Variants in MGARP observed in about 807,000 individuals in gnomAD.
MGARP encodes mitochondria localized glutamic acid rich protein.
MGARP carries 12 observed loss-of-function variants against 11.0 expected under a neutral mutation model. That is an observed-to-expected ratio of 1.09 (90% CI 0.70 to 1.77). MGARP has a LOEUF of 1.77. Among genes scored for constraint, MGARP ranks in the 40% most tolerant of loss-of-function variants. The probability of loss-of-function intolerance (pLI) is 0.00; values close to 1 mark genes in which losing one functional copy is unlikely to be tolerated. For missense variants in MGARP, 283 were observed against 297.8 expected (o/e 0.95, Z 0.36); for synonymous variants, 110 against 115.4 (o/e 0.95, Z 0.30).
At position 139,266,507 on chromosome 4, in the gene MGARP, CT is replaced by C. The variant is rs202133262; in HGVS notation, c.*91del. 0.084 allele frequency: 70,877 copies of C among 841,974 alleles called. 8 individuals carry two copies. Among genetic ancestry groups the C allele is most frequent in the South Asian group, 0.12 (4,238 of 36,610 alleles). 52.2% of individuals were successfully genotyped at this position (841,974 alleles called of 1,614,324 possible). On this transcript the variant is annotated 3_prime_UTR_variant, in exon 4 of 4. Coordinates refer to ENST00000398955, the MANE Select transcript of MGARP (RefSeq NM_032623.4). ...CATTAACGTTTTCTAGAAAATAAGT[CT>C]TTTTTTTTTTAAACTAAGTGTACTA... is the stretch of plus-strand genomic sequence containing the variant.
In MGARP at chr4:139,266,400, A is replaced by C. The variant is rs1744696943; in HGVS notation, c.*199T>G. The stretch of plus-strand genomic sequence containing the variant: ...GCAATGTCATATTCTGATCTCAGAC[A>C]GTAGAAGAGTAGTAAGAAATGTACA... On this transcript the variant is annotated 3_prime_UTR_variant, in exon 4 of 4. Coordinates refer to ENST00000398955, the MANE Select transcript of MGARP (RefSeq NM_032623.4). 1.7e-6 allele frequency: 1 copy of C among 576,168 alleles called. No homozygotes were observed. Among genetic ancestry groups the C allele is most frequent in the East Asian group, 2.9e-5 (1 of 34,746 alleles). 35.7% of individuals were successfully genotyped at this position (576,168 alleles called of 1,614,324 possible).
intron 1 of MGARP, among the ~76,000 whole-genome samples, chr4:139,278,381 G>A (rs1035693924): frequency 3.3e-5 from 5 of 152,154 alleles, no homozygotes; most frequent in African/African-American, 1.2e-4. Context: ...CACGACTGAA[G>A]ACAAATTTGT....
intron 2 of MGARP, among the ~76,000 whole-genome samples, chr4:139,272,191 A>G (rs1299971658): frequency 2.6e-5 from 4 of 152,098 alleles, no homozygotes; most frequent in Admixed American, 6.6e-5. Context: ...GAGGACAACA[A>G]TATAAGTGAC....
chr4:139,275,211 T>A, intron 2 of MGARP, 78 bp downstream of exon 2: 1 of 1,136,560 alleles, frequency 8.8e-7, no homozygotes, highest in Non-Finnish European at 1.3e-6. Flanking sequence ...CATGTCCTGA[T>A]CTTGACGTTG....
At chr4:139,268,119 G>A (rs1281627211) in intron 3 of MGARP, among the ~76,000 whole-genome samples, 1 of 145,484 alleles carries the variant, frequency 6.9e-6, no homozygotes, top group Non-Finnish European at 1.5e-5. Flanking sequence ...CCCGTGGAGG[G>A]AAGGGGGAAA....
intron 1 of MGARP, among the ~76,000 whole-genome samples, chr4:139,277,548 A>G (rs1233375500): frequency 6.6e-6 from 1 of 152,260 alleles, no homozygotes; most frequent in African/African-American, 2.4e-5. Context: ...CTTAAATACA[A>G]ATACAATGAT....
chr4:139,275,338 A>G lies in MGARP; in HGVS notation c.137T>C (p.Met46Thr), dbSNP rs766755707. 6.2e-7 allele frequency: 1 copy of G among 1,614,108 alleles called. No homozygotes were observed. Among genetic ancestry groups the G allele is most frequent in the East Asian group, 2.2e-5 (1 of 44,864 alleles). ...GACGCCTACAACCAGATAATAAATC[A>G]TATTTGATCCAGATGATCCAGGGAA... ...NRFPGSSGSN[M>T]IYYLVVGVTV... The change falls in exon 2 of 4, where the codon ATG (methionine) becomes ACG (threonine). Residue 46 changes from methionine (M) to threonine (T), a missense_variant. Met to Thr is a moderately conservative substitution (Grantham distance 81, BLOSUM62 -1). Coordinates refer to ENST00000398955, the MANE Select transcript of MGARP (RefSeq NM_032623.4).
At chr4:139,269,044 A>G (rs777428630) in intron 2 of MGARP, among the ~76,000 whole-genome samples, 1 of 152,224 alleles carries the variant, frequency 6.6e-6, no homozygotes, top group Non-Finnish European at 1.5e-5. Context: ...CCTGGGTGAC[A>G]AATCAATCTA....
intron 2 of MGARP, among the ~76,000 whole-genome samples, chr4:139,272,894 ACCAGGCTGGTCTTGAACT>A (rs1488354128): frequency 6.6e-6 from 1 of 151,716 alleles, no homozygotes; most frequent in Non-Finnish European, 1.5e-5. Context: ...CCATTTCTTG[ACCAGGCTGGTCTTGAACT>A]CCTGAACTCG....
rs752819516 is a variant in MGARP, at chr4:139,275,271, G to A, written c.186+18C>T. 11 of 1,580,414 alleles carry A rather than the reference G, an allele frequency of 7.0e-6. No individual in the cohort carries two copies. The highest frequency in any genetic ancestry group is 3.4e-5 in the Admixed American group (2 of 59,160). Reference sequence around the variant, plus strand: ...AAATACATGAATTCTTGAGCACTGTGGTTATATAATCACTTACATAATATC... The same window carrying A: ...AAATACATGAATTCTTGAGCACTGTAGTTATATAATCACTTACATAATATC... On this transcript the variant is annotated intron_variant, in intron 2 of 3. Coordinates refer to ENST00000398955, the MANE Select transcript of MGARP (RefSeq NM_032623.4).
At chr4:139,279,652 C>T (rs1423899069) in intron 1 of MGARP, among the ~76,000 whole-genome samples, 1 of 152,220 alleles carries the variant, frequency 6.6e-6, no homozygotes, top group Non-Finnish European at 1.5e-5. Context: ...CCCACCGTTC[C>T]TCTGCTTCCT....
At chr4:139,273,636 T>C (rs774662845) in intron 2 of MGARP, among the ~76,000 whole-genome samples, 14 of 149,402 alleles carry the variant, frequency 9.4e-5, no homozygotes, top group Non-Finnish European at 1.9e-4. Flanking sequence ...TGCCTCAGCC[T>C]CCTGAGTAGC....
At position 139,266,670 on chromosome 4, in the gene MGARP, C is replaced by G; in HGVS notation, c.652G>C (p.Glu218Gln). ...LEEENSPAESESSAGDDLQEE... is the reference protein window; with the variant it reads ...LEEENSPAESQSSAGDDLQEE... ...TGTAAATCATCTCCAGCAGAGGACT[C>G]TGACTCAGCTGGAGAATTTTCTTCT... Residue 218 changes from glutamate to glutamine, a missense_variant, in exon 4 of 4, where the codon GAG (glutamate) becomes CAG (glutamine). Transcript: ENST00000398955. 1 of 1,614,140 alleles carries G rather than the reference C, an allele frequency of 6.2e-7. No individual in the cohort carries two copies. Among genetic ancestry groups the G allele is most frequent in the Non-Finnish European group, 8.5e-7 (1 of 1,180,020 alleles).
intron 2 of MGARP, 60 bp downstream of exon 2, chr4:139,275,229 C>T: frequency 7.1e-7 from 1 of 1,413,420 alleles, no homozygotes; most frequent in African/African-American, 1.4e-5. Context: ...TTGCTTTGAG[C>T]TTTACCATGA....
intron 1 of MGARP, among the ~76,000 whole-genome samples, chr4:139,279,002 T>C (rs1258593953): frequency 6.6e-6 from 1 of 152,062 alleles, no homozygotes; most frequent in African/African-American, 2.4e-5. Flanking sequence ...CGCGCACATC[T>C]TTCTCTCCTG....
chr4:139,272,492 G>A lies in MGARP; in HGVS notation c.186+2797C>T, dbSNP rs111875159. ...GAGAATGGCGTGAACCCGGGAGGTG[G>A]AGCTTGCAGTGAGCCGAGATTGCAT... is the stretch of plus-strand genomic sequence containing the variant. On this transcript the variant is annotated intron_variant, in intron 2 of 3. Transcript: ENST00000398955. Among the ~76,000 whole-genome samples the A allele has an allele frequency of 2.6e-3, 388 of 147,712 alleles. 2 individuals carry two copies. The highest frequency in any genetic ancestry group is 9.4e-3 in the African/African-American group (374 of 39,910).
intron 2 of MGARP, among the ~76,000 whole-genome samples, chr4:139,270,603 C>A (rs539178379): frequency 9.0e-6 from 1 of 111,310 alleles, no homozygotes; most frequent in Non-Finnish European, 1.8e-5. Context: ...AGCGAGACCG[C>A]GTCTGAAAAA....
At chr4:139,274,715 T>C (rs1744841327) in intron 2 of MGARP, among the ~76,000 whole-genome samples, 1 of 152,158 alleles carries the variant, frequency 6.6e-6, no homozygotes, top group Non-Finnish European at 1.5e-5. Context: ...ACTCCTGACC[T>C]TAGGTGATCC....
At chr4:139,274,686 T>A (rs1206632557) in intron 2 of MGARP, among the ~76,000 whole-genome samples, 1 of 152,194 alleles carries the variant, frequency 6.6e-6, no homozygotes, top group Non-Finnish European at 1.5e-5. Flanking sequence ...TTTCCTCATG[T>A]TGGCCAGGCA....
Sources: gnomAD v4.1 joint callset for allele counts (sites outside exome capture counted in the v4.1 genomes callset) on GRCh38, gnomAD v4.1.1 for gene constraint, MANE v1.5 for transcripts, NCBI Gene and HGNC (gene_info 2026-07-23, HGNC 2026-07-21) for gene names.